LRRC49: variants seen among roughly 807,000 people sequenced by gnomAD.
LRRC49 encodes leucine-rich repeat-containing protein 49.
A neutral mutation model predicts 83.3 loss-of-function variants in LRRC49; 50 were observed. That is an observed-to-expected ratio of 0.60 (90% CI 0.48 to 0.76). The LOEUF (loss-of-function observed/expected upper bound fraction) is 0.76, where lower values mean the gene tolerates loss of function less well. Ranked by LOEUF, LRRC49 falls within the 30% of genes least tolerant of loss-of-function variation. The probability of loss-of-function intolerance (pLI) is 0.00; values close to 1 mark genes in which losing one functional copy is unlikely to be tolerated. For missense variants in LRRC49, 704 were observed against 809.1 expected (o/e 0.87, Z 1.58); for synonymous variants, 286 against 283.3 (o/e 1.01, Z -0.10).
intron 1 of LRRC49, among the ~76,000 whole-genome samples, chr15:70,865,575 C>T (rs1471570598): frequency 2.0e-5 from 3 of 152,174 alleles, no homozygotes; most frequent in Non-Finnish European, 4.4e-5. Context: ...TTATTTACAT[C>T]GAGAATAGTC....
chr15:71,033,179 T>C (rs1176070639), intron 14 of LRRC49, among the ~76,000 whole-genome samples: 1 of 152,130 alleles, frequency 6.6e-6, no homozygotes, highest in Non-Finnish European at 1.5e-5. Context: ...GGATACAAAA[T>C]CAATGTGCAA....
At chr15:70,993,274 G>A (rs183372078) in intron 11 of LRRC49, among the ~76,000 whole-genome samples, 51 of 152,270 alleles carry the variant, frequency 3.3e-4, no homozygotes, top group Middle Eastern at 3.4e-3. Context: ...TCCAGGTGCC[G>A]TCTGTCACAG....
chr15:70,891,271 G>A (rs536310842), upstream of LRRC49, among the ~76,000 whole-genome samples: 3 of 152,330 alleles, frequency 2.0e-5, no homozygotes, highest in African/African-American at 7.2e-5. Flanking sequence ...GATGGGGAAA[G>A]TCAGCTCACT....
intron 14 of LRRC49, among the ~76,000 whole-genome samples, chr15:71,015,367 A>T (rs188532198): frequency 5.3e-5 from 8 of 152,216 alleles, no homozygotes; most frequent in Middle Eastern, 3.4e-3. Context: ...ATGGTTTTGG[A>T]ATGAAACTGT....
At chr15:71,026,047 C>T (rs2039158769) in intron 14 of LRRC49, among the ~76,000 whole-genome samples, 1 of 152,106 alleles carries the variant, frequency 6.6e-6, no homozygotes, top group South Asian at 2.1e-4. Context: ...GGTATTTCTC[C>T]TAATGTTATT....
chr15:70,988,614 T>C (rs1256661911), intron 11 of LRRC49, among the ~76,000 whole-genome samples: 1 of 151,340 alleles, frequency 6.6e-6, no homozygotes, highest in Non-Finnish European at 1.5e-5. Flanking sequence ...TGTCTTTTAA[T>C]TGGAGCATTT....
chr15:70,946,443 T>A (rs1033766526), intron 8 of LRRC49, among the ~76,000 whole-genome samples: 1 of 152,138 alleles, frequency 6.6e-6, no homozygotes, highest in African/African-American at 2.4e-5. Context: ...GAGGCTAAAT[T>A]GTATTCCACT....
Position 70,984,877 on chromosome 15 carries a change from G to C in LRRC49, c.1169+620G>C, listed in dbSNP as rs1262779437. ...TCCCACCTATGAGTGAGAATACGCG[G>C]TGTTTGGTTTTCTGTTCTTGCGATA... On this transcript the variant is annotated intron_variant, in intron 11 of 15. Coordinates refer to ENST00000260382, the MANE Select transcript of LRRC49 (RefSeq NM_017691.5). 4.0e-5 allele frequency among the ~76,000 whole-genome samples: 6 copies of C among 150,530 alleles called. No homozygotes were observed. In the Admixed American group the frequency reaches 4.0e-4, roughly 10 times the overall value.
intron 11 of LRRC49, among the ~76,000 whole-genome samples, chr15:70,991,690 G>T (rs1050112817): frequency 6.6e-6 from 1 of 152,100 alleles, no homozygotes; most frequent in Non-Finnish European, 1.5e-5. Context: ...TTAAAATAAA[G>T]CCTAAAAATC....
intron 2 of LRRC49, 95 bp from the exon 3 acceptor site, chr15:70,895,754 A>T: frequency 1.5e-6 from 1 of 673,894 alleles, no homozygotes; most frequent in Non-Finnish European, 2.5e-6. Flanking sequence ...ACATTGTACC[A>T]TGTGTATCAG....
rs531491169 is a variant in LRRC49 at position 70,869,104 on chromosome 15, GA to G, written c.-298-3796del. On this transcript the variant is annotated intron_variant, in intron 1 of 16. Transcript: ENST00000544974. ...TATTATGCCACCATTAAAGTAATTG[GA>G]AAAAAAATTTTAATGATAAAAAGAA... Among the ~76,000 whole-genome samples, 406 of 151,944 alleles carry G rather than the reference GA, an allele frequency of 2.7e-3. 27 individuals carry two copies. In the South Asian group the frequency reaches 0.082, roughly 31 times the overall value.
chr15:70,859,922 T>C, intron 1 of LRRC49: 1 of 767,418 alleles, frequency 1.3e-6, no homozygotes, highest in South Asian at 1.3e-5. Context: ...CCGGCTGGAG[T>C]CTGGGATGCA....
chr15:70,869,140 A>T (rs369897996), intron 1 of LRRC49, among the ~76,000 whole-genome samples: 4 of 152,218 alleles, frequency 2.6e-5, no homozygotes, highest in Admixed American at 1.3e-4. Context: ...AATGTTTATG[A>T]TAGATTATTA....
intron 1 of LRRC49, among the ~76,000 whole-genome samples, chr15:70,861,141 CTA>C (rs1384254412): frequency 6.6e-6 from 1 of 152,156 alleles, no homozygotes; most frequent in African/African-American, 2.4e-5. Context: ...CAGACTTAAC[CTA>C]TATCCTACTT....
chr15:70,929,820 C>T (rs1392180220), intron 7 of LRRC49, among the ~76,000 whole-genome samples: 2 of 152,164 alleles, frequency 1.3e-5, no homozygotes, highest in South Asian at 2.1e-4. Context: ...TTTCCTCATC[C>T]GTAAGAAGTG....
At chr15:71,032,995 T>C (rs2039405888) in intron 14 of LRRC49, among the ~76,000 whole-genome samples, 1 of 152,258 alleles carries the variant, frequency 6.6e-6, no homozygotes, top group South Asian at 2.1e-4. Flanking sequence ...CAACATAGTA[T>C]TGGAAGTTCT....
chr15:70,861,691 A>G (rs2032793750), intron 1 of LRRC49, among the ~76,000 whole-genome samples: 1 of 152,208 alleles, frequency 6.6e-6, no homozygotes, highest in Non-Finnish European at 1.5e-5. Context: ...AGTATATTCA[A>G]GCTTTACCTG....
chr15:70,867,425 A>T (rs151053760), intron 1 of LRRC49, among the ~76,000 whole-genome samples: 15 of 152,116 alleles, frequency 9.9e-5, no homozygotes, highest in African/African-American at 3.6e-4. Flanking sequence ...CCAAGAGATG[A>T]CGGGAATGGC....
rs773328310 is a variant in LRRC49, at chr15:70,892,911, A to C, written c.17A>C (p.Tyr6Ser). Reference sequence around the variant, plus strand: ...TCTCCTATCATGATTCCCGGGAAATATCGCTCTGTTTCTGGCCGGGCTGCG... The same window carrying C: ...TCTCCTATCATGATTCCCGGGAAATCTCGCTCTGTTTCTGGCCGGGCTGCG... MIPGK[Y>S]RSVSGRAANN... The change falls in exon 1 of 16, where the codon TAT (tyrosine) becomes TCT (serine). Residue 6 changes from tyrosine to serine, a missense_variant. Transcript: ENST00000260382. 1 of 1,614,182 alleles carries C rather than the reference A, an allele frequency of 6.2e-7. No individual in the cohort carries two copies. The highest frequency in any genetic ancestry group is 2.2e-5 in the East Asian group (1 of 44,880).
Sources: gnomAD v4.1 joint callset for allele counts (sites outside exome capture counted in the v4.1 genomes callset) on GRCh38, gnomAD v4.1.1 for gene constraint, MANE v1.5 for transcripts, NCBI Gene and HGNC (gene_info 2026-07-23, HGNC 2026-07-21) for gene names.